Variants in HIF1A observed in about 807,000 individuals in gnomAD.
HIF1A encodes the protein hypoxia inducible factor 1 subunit alpha.
A neutral mutation model predicts 92.7 loss-of-function variants in HIF1A; 24 were observed. The ratio of observed to expected loss-of-function variants is 0.26; its 90% CI spans 0.19 to 0.36. The LOEUF is 0.36. Among genes scored for constraint, HIF1A ranks in the 10% least tolerant of loss-of-function variants. The pLI, the probability that HIF1A is intolerant of heterozygous loss-of-function variation, is 1.00. For missense variants in HIF1A, 799 were observed against 998.5 expected (o/e 0.80, Z 2.69); for synonymous variants, 319 against 338.7 (o/e 0.94, Z 0.64).
At chr14:61,721,476 C>T in intron 2 of HIF1A, 33 bp from the exon 3 acceptor site, 1 of 1,569,418 alleles carries the variant, frequency 6.4e-7, no homozygotes, top group Admixed American at 1.8e-5. Context: ...AACTTTTTAA[C>T]TAATTATTTT....
At chr14:61,710,356 T>C (rs1033222891) in intron 1 of HIF1A, among the ~76,000 whole-genome samples, 1 of 152,172 alleles carries the variant, frequency 6.6e-6, no homozygotes, top group Non-Finnish European at 1.5e-5. Context: ...TCCGTGAAGG[T>C]AGAGACTTGG....
rs144945651 is a variant in HIF1A, at chr14:61,724,109, TTTTG to T, written c.457+2298_457+2301del. On this transcript the variant is annotated intron_variant, in intron 4 of 14. Transcript: ENST00000337138. ...AATTTAGGTTTTTTTAATGGTTTGTTTTTGTTTGTTTGTTTTTTGTTTTTTTTTT... is the reference window on the plus strand; with the variant it reads ...AATTTAGGTTTTTTTAATGGTTTGTTTTTGTTTGTTTTTTGTTTTTTTTTT... Among the ~76,000 whole-genome samples the T allele has an allele frequency of 6.1e-3, 933 of 151,896 alleles. 10 individuals are homozygous for T. The highest frequency in any genetic ancestry group is 0.02 in the African/African-American group (835 of 41,444).
At chr14:61,742,170 T>C (rs2044719410) in intron 12 of HIF1A, among the ~76,000 whole-genome samples, 1 of 152,252 alleles carries the variant, frequency 6.6e-6, no homozygotes, top group Non-Finnish European at 1.5e-5. Context: ...TTTTAAGTTA[T>C]ACTTTCTGTA....
At chr14:61,746,184 A>G (rs1474537930) in intron 14 of HIF1A, among the ~76,000 whole-genome samples, 2 of 148,694 alleles carry the variant, frequency 1.3e-5, no homozygotes, top group African/African-American at 5.0e-5. Context: ...AGATGGCACC[A>G]CTGCACTCCA....
chr14:61,699,297 A>G (rs1023883103), intron 1 of HIF1A, among the ~76,000 whole-genome samples: 4 of 152,184 alleles, frequency 2.6e-5, no homozygotes, highest in African/African-American at 7.2e-5. Context: ...GAGAATGTCA[A>G]CTTTTCTACC....
chr14:61,715,037 G>GAA (rs112318692), intron 1 of HIF1A, among the ~76,000 whole-genome samples: 109 of 143,432 alleles, frequency 7.6e-4, no homozygotes, highest in African/African-American at 2.5e-3. Context: ...GCCGTCTCAG[G>GAA]AAAAAAAAAA....
chr14:61,718,558 T>C (rs182737347), intron 1 of HIF1A, among the ~76,000 whole-genome samples: 1 of 152,196 alleles, frequency 6.6e-6, no homozygotes, highest in Non-Finnish European at 1.5e-5. Flanking sequence ...TTTACTCTTC[T>C]GCTTATACAG....
At chr14:61,722,674 A>G (rs977174906) in intron 4 of HIF1A, among the ~76,000 whole-genome samples, 1 of 152,242 alleles carries the variant, frequency 6.6e-6, no homozygotes, top group African/African-American at 2.4e-5. Context: ...CAGAATTTTA[A>G]GACAAACAAC....
rs754140751 is a variant in HIF1A, at chr14:61,705,973, GTAAGTAC to G, written c.35+10136_35+10142del. The stretch of plus-strand genomic sequence containing the variant: ...CAATACATGTGTTTTTTCCTGTTAT[GTAAGTAC>G]TTTATTATTATTTATGCATCTTCTA... On this transcript the variant is annotated intron_variant, in intron 1 of 14. Transcript: ENST00000337138. Among the ~76,000 whole-genome samples, 122 of 152,180 alleles carry G rather than the reference GTAAGTAC, an allele frequency of 8.0e-4. 1 individual carries two copies. The highest frequency in any genetic ancestry group is 4.9e-3 in the Admixed American group (75 of 15,286).
chr14:61,745,941 TG>T, intron 14 of HIF1A, 124 bp downstream of exon 14: 1 of 894,150 alleles, frequency 1.1e-6, no homozygotes, highest in Non-Finnish European at 1.7e-6. Flanking sequence ...AGTAAAGTTG[TG>T]GCTGGGCGCG....
At chr14:61,701,105 G>A (rs2044171473) in intron 1 of HIF1A, among the ~76,000 whole-genome samples, 1 of 152,160 alleles carries the variant, frequency 6.6e-6, no homozygotes, top group Non-Finnish European at 1.5e-5. Context: ...TAGGAAATTT[G>A]TTCTCTAAGA....
rs2044774243 is a variant in HIF1A at position 61,745,787 on chromosome 14, G to A, written c.2299G>A (p.Glu767Lys). ...GCKSSEQNGM[E>K]QKTIILIPSD... ...CAAATCTAGTGAACAGAATGGAATG[G>A]AGCAAAAGACAATTATTTTAATACC... The change falls in exon 14 of 15, where the codon GAG becomes AAG. Residue 767 changes from glutamate to lysine, a missense_variant. Glu to Lys is a moderately conservative substitution (Grantham distance 56). Coordinates refer to ENST00000337138, the MANE Select transcript of HIF1A (RefSeq NM_001530.4). 2 of 1,612,254 alleles carry A rather than the reference G, an allele frequency of 1.2e-6. No individual in the cohort carries two copies. The highest frequency in any genetic ancestry group is 1.7e-6 in the Non-Finnish European group (2 of 1,178,640).
At chr14:61,744,601 C>A in intron 12 of HIF1A, 104 bp from the exon 13 acceptor site, 1 of 529,018 alleles carries the variant, frequency 1.9e-6, no homozygotes, top group Non-Finnish European at 3.4e-6. Flanking sequence ...TATTATATTC[C>A]TTAATATTGG....
intron 9 of HIF1A, among the ~76,000 whole-genome samples, chr14:61,737,485 G>A (rs2044651142): frequency 6.6e-6 from 1 of 152,170 alleles, no homozygotes; most frequent in Admixed American, 6.5e-5. Context: ...ATCAAGCATT[G>A]AAGATGAAAA....
chr14:61,698,832 C>T (rs2044144786), intron 1 of HIF1A: 1 of 152,152 alleles, frequency 6.6e-6, no homozygotes, highest in Admixed American at 6.5e-5. Flanking sequence ...GTGTTTTCTC[C>T]CCAAATAGAA....
chr14:61,722,058 A>G (rs1467476403), intron 4 of HIF1A, among the ~76,000 whole-genome samples: 2 of 151,916 alleles, frequency 1.3e-5, no homozygotes, highest in Non-Finnish European at 2.9e-5. Context: ...TGGAAAAGTA[A>G]AATCATGACC....
At chr14:61,740,665 AT>A (rs1326036812) in intron 11 of HIF1A, 38 bp downstream of exon 11, 1 of 1,553,768 alleles carries the variant, frequency 6.4e-7, no homozygotes, top group South Asian at 1.2e-5. Context: ...AATTTCATTA[AT>A]TTTTAGTCTG....
intron 2 of HIF1A, 59 bp from the exon 3 acceptor site, chr14:61,721,450 T>C: frequency 2.9e-6 from 4 of 1,399,480 alleles, no homozygotes; most frequent in Non-Finnish European, 3.0e-6. Flanking sequence ...ATCTAAATAT[T>C]ATATCATTTA....
rs2044520806 is a variant in HIF1A, at chr14:61,727,466, C to T, written c.584C>T (p.Thr195Ile). The change falls in exon 6 of 15, where the codon ACA becomes ATA. Residue 195 changes from threonine (T) to isoleucine (I), a missense_variant. Physicochemically the swap from Thr to Ile is moderately conservative, Grantham distance 89 (BLOSUM62 -1). Around this residue, in one of 2 missense-constraint regions of HIF1A, gnomAD observed 516 missense variants for 721.0 expected, o/e 0.72. Coordinates refer to ENST00000337138, the MANE Select transcript of HIF1A (RefSeq NM_001530.4). ...CTTCATACACAGGTATTGCACTGCA[C>T]AGGCCACATTCACGTATATGATACC... ...KSATWKVLHC[T>I]GHIHVYDTNS... is the part of the protein sequence containing the mutation. 6.2e-7 allele frequency: 1 copy of T among 1,612,726 alleles called. No individual in the cohort carries two copies. Among genetic ancestry groups the T allele is most frequent in the Non-Finnish European group, 8.5e-7 (1 of 1,179,014 alleles).
Sources: allele counts gnomAD v4.1 joint callset (sites outside exome capture counted in the v4.1 genomes callset), GRCh38; gene constraint gnomAD v4.1.1; regional missense constraint gnomAD v4.1.1; transcripts MANE v1.5; gene names NCBI Gene and HGNC (gene_info 2026-07-23, HGNC 2026-07-21).